Variants in PPME1 observed in about 807,000 individuals in gnomAD.
The protein encoded by PPME1 is testicular secretory protein Li 39.
In PPME1, 17 loss-of-function variants were observed where a neutral mutation model predicts 56.9. That is an observed-to-expected ratio of 0.30 (90% confidence interval 0.20 to 0.45). The LOEUF is 0.45. Ranked by LOEUF, PPME1 falls within the 20% of genes least tolerant of loss-of-function variation. The pLI is 1.00. For synonymous variants in PPME1, 122 were observed against 156.2 expected, an observed-to-expected ratio of 0.78 and a Z score of 1.63; for missense variants, 357 against 483.2, an observed-to-expected ratio of 0.74 and a Z score of 2.45.
intron 7 of PPME1, among the ~76,000 whole-genome samples, chr11:74,231,719 G>A (rs911127442): frequency 3.9e-5 from 6 of 152,144 alleles, no homozygotes; most frequent in African/African-American, 9.7e-5. Context: ...CACCTCTGAT[G>A]CTTCATGGTT....
At chr11:74,202,030 T>TCCATCTACTGAGCATTTG (rs1858183061) in intron 1 of PPME1, among the ~76,000 whole-genome samples, 3 of 152,230 alleles carry the variant, frequency 2.0e-5, no homozygotes, top group Non-Finnish European at 2.9e-5. Context: ...GATAGGATTA[T>TCCATCTACTGAGCATTTG]CCATCTACTG....
intron 1 of PPME1, among the ~76,000 whole-genome samples, chr11:74,200,605 A>G (rs188590462): frequency 3.3e-5 from 5 of 152,032 alleles, no homozygotes; most frequent in South Asian, 2.1e-4. Context: ...CTGGTCTCGA[A>G]CTCCTGACCT....
chr11:74,251,732 G>C lies in PPME1; in HGVS notation c.1142+17G>C. On this transcript the variant is annotated intron_variant, in intron 13 of 13. Coordinates refer to ENST00000328257, the MANE Select transcript of PPME1 (RefSeq NM_016147.3). The stretch of plus-strand genomic sequence containing the variant: ...ATTCCAGTGGTAAGGCGGGTACAAG[G>C]GTTTAAGAACCCAGCAGTGCTGGCC... 6.2e-7 allele frequency: 1 copy of C among 1,613,900 alleles called. No homozygotes were observed. The highest frequency in any genetic ancestry group is 8.5e-7 in the Non-Finnish European group (1 of 1,179,798).
At chr11:74,183,070 G>A (rs118085767) in intron 1 of PPME1, among the ~76,000 whole-genome samples, 4,028 of 152,138 alleles carry the variant, frequency 0.026, 68 homozygotes, top group Non-Finnish European at 0.039. Flanking sequence ...TTCGAGGTGG[G>A]AGGATTGCTT....
At chr11:74,203,078 A>G (rs1004638986) in intron 1 of PPME1, among the ~76,000 whole-genome samples, 1 of 152,122 alleles carries the variant, frequency 6.6e-6, no homozygotes, top group Non-Finnish European at 1.5e-5. Flanking sequence ...TCGGTCCCCT[A>G]TTGATGGATA....
At chr11:74,203,587 C>A (rs1188893917) in intron 1 of PPME1, 141 bp from the exon 2 acceptor site, 1 of 491,760 alleles carries the variant, frequency 2.0e-6, no homozygotes, top group Non-Finnish European at 3.5e-6. Flanking sequence ...TAATATGATA[C>A]TTTGTGATGA....
At chr11:74,185,850 T>A (rs1857667277) in intron 1 of PPME1, among the ~76,000 whole-genome samples, 1 of 152,214 alleles carries the variant, frequency 6.6e-6, no homozygotes, top group African/African-American at 2.4e-5. Flanking sequence ...CCATGCACTT[T>A]AAGCAAAGTA....
intron 1 of PPME1, among the ~76,000 whole-genome samples, chr11:74,181,890 T>C (rs997567460): frequency 1.3e-5 from 2 of 152,260 alleles, no homozygotes; most frequent in Admixed American, 1.3e-4. Flanking sequence ...TGTAACTGAA[T>C]GTGTCTGTGT....
chr11:74,176,687 CATTT>C (rs1464191997), intron 1 of PPME1, among the ~76,000 whole-genome samples: 2 of 140,348 alleles, frequency 1.4e-5, no homozygotes, highest in Non-Finnish European at 1.6e-5. Flanking sequence ...ATAAAGGAAT[CATTT>C]ATATTTTTTC....
chr11:74,230,344 A>G lies in PPME1; in HGVS notation c.498A>G (p.Ala166=). The change falls in exon 6 of 14, where the codon GCA becomes GCG. Residue 166 remains alanine (A), a synonymous_variant. Coordinates refer to ENST00000328257, the MANE Select transcript of PPME1 (RefSeq NM_016147.3). This position sits in a 1 kb window ranked among gnomAD's most constrained non-coding sequence, Gnocchi z 4.9. ...SMGGAIAVHT[A]SSNLVPSLLG... is the part of the protein sequence containing the mutation. ...GTGGTGCTATTGCAGTCCACACAGC[A>G]TCATCCAACCTGGTACCAAGCCTCT... The G allele has an allele frequency of 6.2e-7, 1 of 1,613,928 alleles. No individual in the cohort carries two copies. The highest frequency in any genetic ancestry group is 2.2e-5 in the East Asian group (1 of 44,884).
chr11:74,177,465 GTCT>G (rs1243357362), intron 1 of PPME1, among the ~76,000 whole-genome samples: 1 of 149,882 alleles, frequency 6.7e-6, no homozygotes. Flanking sequence ...AAAAAAAAAA[GTCT>G]TCTTTCTCAC....
chr11:74,188,500 A>G (rs1403246168), intron 1 of PPME1, among the ~76,000 whole-genome samples: 6 of 152,104 alleles, frequency 3.9e-5, no homozygotes, highest in African/African-American at 1.4e-4. Flanking sequence ...TGATATTTCA[A>G]AAGGAAGGAC....
At chr11:74,251,113 T>C in intron 12 of PPME1, 95 bp downstream of exon 12, 1 of 1,531,900 alleles carries the variant, frequency 6.5e-7, no homozygotes, top group Non-Finnish European at 8.8e-7. Context: ...CTGCATTGCC[T>C]GCAGCAGCTG....
intron 3 of PPME1, among the ~76,000 whole-genome samples, chr11:74,210,914 G>T (rs1858456602): frequency 1.3e-5 from 2 of 152,146 alleles, no homozygotes; most frequent in African/African-American, 4.8e-5. Context: ...AAAAAAACAA[G>T]TTTTAAATAT....
At chr11:74,186,626 A>C (rs1343932124) in intron 1 of PPME1, among the ~76,000 whole-genome samples, 3 of 152,204 alleles carry the variant, frequency 2.0e-5, no homozygotes, top group African/African-American at 7.2e-5. Flanking sequence ...AAATTTCATT[A>C]AGTTATAGTA....
At position 74,251,640 on chromosome 11, in the gene PPME1, A is replaced by G; in HGVS notation, c.1075-8A>G. The G allele has an allele frequency of 6.2e-7, 1 of 1,613,076 alleles. No homozygotes were observed. Among genetic ancestry groups the G allele is most frequent in the East Asian group, 2.2e-5 (1 of 44,882 alleles). On this transcript the variant is annotated splice_polypyrimidine_tract_variant and splice_region_variant and intron_variant, in intron 12 of 13. Transcript: ENST00000328257. ...TTATATGGCCTGGAATATCTCTCCC[A>G]TTTCCAGGTAGCTGAAGCTGTTGCC...
chr11:74,204,436 T>A lies in PPME1; in HGVS notation c.279T>A (p.Ala93=). The change falls in exon 3 of 14, where the codon GCT becomes GCA. Residue 93 remains alanine, a synonymous_variant. Coordinates refer to ENST00000328257, the MANE Select transcript of PPME1 (RefSeq NM_016147.3). The part of the protein sequence containing the change: ...HGGGHSALSW[A]VFTAAIISRV... ...GAGGTCATTCTGCCCTTTCTTGGGCTGTGTTCACGGTAAGTAGGTTGTTGA... is the reference window on the plus strand; with the variant it reads ...GAGGTCATTCTGCCCTTTCTTGGGCAGTGTTCACGGTAAGTAGGTTGTTGA... The A allele has an allele frequency of 6.2e-7, 1 of 1,611,304 alleles. No homozygotes were observed.
At chr11:74,214,172 G>T (rs570953418) in intron 3 of PPME1, among the ~76,000 whole-genome samples, 8 of 152,242 alleles carry the variant, frequency 5.3e-5, no homozygotes, top group African/African-American at 1.9e-4. Context: ...AGAAATTCTG[G>T]AGTTGAAAAA....
chr11:74,232,674 CTT>C (rs1216584605), intron 7 of PPME1, among the ~76,000 whole-genome samples: 47 of 134,394 alleles, frequency 3.5e-4, no homozygotes, highest in Admixed American at 4.5e-4. Flanking sequence ...TTTATCCAAA[CTT>C]TTTTTTTTTT....
Sources: gnomAD v4.1 joint callset for allele counts (sites outside exome capture counted in the v4.1 genomes callset) on GRCh38, gnomAD v4.1.1 for gene constraint, Gnocchi (gnomAD v3.1) non-coding constraint, MANE v1.5 for transcripts, NCBI Gene and HGNC (gene_info 2026-07-23, HGNC 2026-07-21) for gene names.